NRAP: variants seen among roughly 807,000 people sequenced by gnomAD.
The protein encoded by NRAP is nebulin related anchoring protein.
NRAP carries 189 observed loss-of-function variants against 225.9 expected under a neutral mutation model. The observed-to-expected ratio is 0.84, with a 90% CI of 0.74 to 0.94. NRAP has a LOEUF of 0.94. Ranked by LOEUF, NRAP falls within the 40% of genes least tolerant of loss-of-function variation. The pLI, the probability that NRAP is intolerant of heterozygous loss-of-function variation, is 0.00. For synonymous variants in NRAP, 769 were observed against 790.7 expected (o/e 0.97, Z 0.46); for missense variants, 2,176 against 2,168.7 (o/e 1.00, Z -0.07).
intron 37 of NRAP, 52 bp from the exon 38 acceptor site, chr10:113,595,779 A>T: frequency 8.0e-7 from 1 of 1,243,238 alleles, no homozygotes; most frequent in Non-Finnish European, 1.2e-6. Flanking sequence ...GGCTGAAACC[A>T]CAGGGGAATA....
intron 23 of NRAP, among the ~76,000 whole-genome samples, chr10:113,622,736 C>T (rs1045404829): frequency 2.0e-5 from 3 of 152,166 alleles, no homozygotes; most frequent in African/African-American, 7.2e-5. Context: ...TCAATATCTG[C>T]CACCACTTAT....
At chr10:113,589,116 C>T (rs1564686082) in intron 41 of NRAP, 37 bp from the exon 42 acceptor site, 2 of 1,563,722 alleles carry the variant, frequency 1.3e-6, no homozygotes, top group Admixed American at 3.3e-5. Context: ...TAAAATGAAG[C>T]TCCCCCACCC....
chr10:113,623,620 C>T lies in NRAP; in HGVS notation c.2366G>A (p.Ser789Asn). The T allele has an allele frequency of 4.3e-6, 7 of 1,613,692 alleles. No homozygotes were observed. Among genetic ancestry groups the T allele is most frequent in the Non-Finnish European group, 5.9e-6 (7 of 1,179,656 alleles). ...CCCTTTTGCTTTCTGGTTTTCCCAG[C>T]TGCTCTTATACAGTTTCTAAGGGGA... is the stretch of plus-strand genomic sequence containing the variant. Reference protein sequence around the residue: ...ANLSEKLYKSSWENQKAKGFE... With the variant: ...ANLSEKLYKSNWENQKAKGFE... The change falls in exon 23 of 42, where the codon AGC becomes AAC. Residue 789 changes from serine (S) to asparagine (N), a missense_variant. Around this residue, in one of 3 missense-constraint regions of NRAP, gnomAD observed 1,708 missense variants for 1,695.5 expected, o/e 1.01. Coordinates refer to ENST00000359988, the MANE Select transcript of NRAP (RefSeq NM_198060.4).
intron 9 of NRAP, 57 bp from the exon 10 acceptor site, chr10:113,647,084 G>T: frequency 9.4e-7 from 1 of 1,065,428 alleles, no homozygotes. Context: ...GATGGGTGGG[G>T]TTCAGCAATG....
Position 113,595,670 on chromosome 10 carries a change from G to T in NRAP, c.4489C>A (p.His1497Asn), listed in dbSNP as rs201085371. Reference protein sequence around the residue: ...SLHRYTLIPDHPDFTRARLNA... With the variant: ...SLHRYTLIPDNPDFTRARLNA... ...AGGCGAGCTCGGGTGAAATCGGGAT[G>T]GTCGGGGATCAGGGTGTATCTGTGC... Residue 1497 changes from histidine to asparagine, a missense_variant, in exon 38 of 42, where the codon CAT becomes AAT. By Grantham distance (68) the His-to-Asn change is moderately conservative. Around this residue, in one of 3 missense-constraint regions of NRAP, gnomAD observed 445 missense variants for 426.1 expected, o/e 1.04. Transcript: ENST00000359988. The T allele has an allele frequency of 1.2e-6, 2 of 1,613,882 alleles. No individual in the cohort carries two copies. The highest frequency in any genetic ancestry group is 2.7e-5 in the African/African-American group (2 of 74,926).
chr10:113,603,889 C>T (rs1397968812), intron 35 of NRAP, among the ~76,000 whole-genome samples: 1 of 151,952 alleles, frequency 6.6e-6, no homozygotes, highest in South Asian at 2.1e-4. Flanking sequence ...CGTGTACGTG[C>T]ACGCACACAC....
intron 31 of NRAP, 98 bp downstream of exon 31, chr10:113,610,354 TAAAAAAA>T (rs35334254): frequency 2.1e-4 from 85 of 397,734 alleles, no homozygotes; most frequent in Admixed American, 4.0e-4. Context: ...CATCTCAAAT[TAAAAAAA>T]AAAAAAAAAA....
intron 25 of NRAP, among the ~76,000 whole-genome samples, chr10:113,620,014 T>C (rs1470586343): frequency 6.6e-6 from 1 of 152,200 alleles, no homozygotes; most frequent in African/African-American, 2.4e-5. Flanking sequence ...AAAACGTCAG[T>C]AGTGCCGAAG....
chr10:113,663,871 C>T lies in NRAP; in HGVS notation c.12G>A (p.Gln4=), dbSNP rs746721032. The T allele has an allele frequency of 3.1e-6, 5 of 1,613,450 alleles. No individual in the cohort carries two copies. Among genetic ancestry groups the T allele is most frequent in the Non-Finnish European group, 3.4e-6 (4 of 1,179,524 alleles). Residue 4 remains glutamine, a synonymous_variant, in exon 1 of 42, where the codon CAG becomes CAA. Transcript: ENST00000359988. MNV[Q]PCSRCGYGVY... ...CCCCATACCCACACCTAGAACAGGG[C>T]TGCACATTCATCTCGAAGCCGGAAG... is the stretch of plus-strand genomic sequence containing the variant.
intron 24 of NRAP, among the ~76,000 whole-genome samples, 158 bp from the exon 25 acceptor site, chr10:113,620,866 C>T (rs937462211): frequency 3.3e-5 from 5 of 152,162 alleles, no homozygotes; most frequent in Non-Finnish European, 7.4e-5. Flanking sequence ...AGGTAGGGCT[C>T]CCAAAAGTCA....
At chr10:113,614,501 G>A (rs1847526540) in intron 28 of NRAP, among the ~76,000 whole-genome samples, 1 of 152,208 alleles carries the variant, frequency 6.6e-6, no homozygotes, top group African/African-American at 2.4e-5. Flanking sequence ...ATGGCAGGAT[G>A]CATTAGCACG....
In NRAP at chr10:113,598,088, A is replaced by G; in HGVS notation, c.4228-15T>C. On this transcript the variant is annotated splice_polypyrimidine_tract_variant and intron_variant, in intron 35 of 41. Coordinates refer to ENST00000359988, the MANE Select transcript of NRAP (RefSeq NM_198060.4). Reference sequence around the variant, plus strand: ...TTGTAGCGCAACTGCAGGGAAAAAAATCATGGGCTTTATCAGGAGAGTGCT... The same window carrying G: ...TTGTAGCGCAACTGCAGGGAAAAAAGTCATGGGCTTTATCAGGAGAGTGCT... The G allele has an allele frequency of 6.4e-7, 1 of 1,551,854 alleles. No homozygotes were observed. Among genetic ancestry groups the G allele is most frequent in the Non-Finnish European group, 8.9e-7 (1 of 1,123,326 alleles).
At chr10:113,618,838 CAA>C (rs1472002609) in intron 25 of NRAP, among the ~76,000 whole-genome samples, 1 of 152,168 alleles carries the variant, frequency 6.6e-6, no homozygotes, top group African/African-American at 2.4e-5. Flanking sequence ...CTCAGCTACT[CAA>C]GAGGCTGAGG....
chr10:113,652,168 ATGTTT>A (rs5788039), intron 6 of NRAP, among the ~76,000 whole-genome samples: 83,445 of 151,822 alleles, frequency 0.55, 24,215 homozygotes, highest in East Asian at 0.7. Flanking sequence ...GGCAGGACTA[ATGTTT>A]TCCTCACTTT....
At chr10:113,614,816 C>T (rs1847546381) in intron 28 of NRAP, 23 bp downstream of exon 28, 1 of 1,408,216 alleles carries the variant, frequency 7.1e-7, no homozygotes, top group South Asian at 1.1e-5. Flanking sequence ...AACATTGTCA[C>T]AAGAATGGGG....
chr10:113,607,690 A>G (rs1047148017), intron 32 of NRAP, among the ~76,000 whole-genome samples: 1 of 152,224 alleles, frequency 6.6e-6, no homozygotes, highest in Non-Finnish European at 1.5e-5. Flanking sequence ...AAATAACCAA[A>G]TCTCAGCTGA....
rs139703946 is a variant in NRAP, at chr10:113,650,136, C to G, written c.789G>C (p.Arg263Ser). The change falls in exon 9 of 42, where the codon AGG (arginine) becomes AGC (serine). Residue 263 changes from arginine to serine, a missense_variant. Physicochemically the swap from Arg to Ser is moderately radical, Grantham distance 110. Around this residue, in one of 3 missense-constraint regions of NRAP, gnomAD observed 1,708 missense variants for 1,695.5 expected, o/e 1.01. Coordinates refer to ENST00000359988, the MANE Select transcript of NRAP (RefSeq NM_198060.4). ...TTTCTTTTTGATATTGTTGATGGTA[C>G]CTCACCTGTTTTAAGGCAAAGGACA... ...KRANELASDVRYHQQYQKEMR... is the reference protein window; with the variant it reads ...KRANELASDVSYHQQYQKEMR... 6.2e-7 allele frequency: 1 copy of G among 1,604,536 alleles called. No homozygotes were observed. Among genetic ancestry groups the G allele is most frequent in the Non-Finnish European group, 8.5e-7 (1 of 1,171,686 alleles).
chr10:113,615,639 G>T (rs996376596), intron 27 of NRAP, 73 bp downstream of exon 27: 8 of 801,712 alleles, frequency 1.0e-5, no homozygotes, highest in Admixed American at 9.3e-5. Flanking sequence ...CTGAGCACAG[G>T]GCATTGTGTG....
intron 6 of NRAP, 52 bp downstream of exon 6, chr10:113,652,883 T>C: frequency 1.6e-6 from 2 of 1,282,328 alleles, no homozygotes; most frequent in Non-Finnish European, 2.3e-6. Context: ...CGGGGGCTCA[T>C]TAATGACAAA....
Sources: gnomAD v4.1 joint callset for allele counts (sites outside exome capture counted in the v4.1 genomes callset) on GRCh38, gnomAD v4.1.1 for gene constraint, gnomAD v4.1.1 regional missense constraint, MANE v1.5 for transcripts, NCBI Gene and HGNC (gene_info 2026-07-23, HGNC 2026-07-21) for gene names.